Variants in GPBAR1 observed in about 807,000 individuals in gnomAD.
The protein encoded by GPBAR1 is G protein-coupled bile acid receptor 1, also known as G-protein coupled bile acid receptor 1.
Under a neutral mutation model 13.0 loss-of-function variants are expected in GPBAR1, and 13 were observed. The ratio of observed to expected loss-of-function variants is 1.00; its 90% CI spans 0.65 to 1.59. The LOEUF (loss-of-function observed/expected upper bound fraction) is 1.59, where lower values mean the gene tolerates loss of function less well. Ranked by LOEUF, GPBAR1 falls within the 40% of genes most tolerant of loss-of-function variation. The pLI, the probability that GPBAR1 is intolerant of heterozygous loss-of-function variation, is 0.00. For synonymous variants in GPBAR1, 193 were observed against 205.2 expected, an observed-to-expected ratio of 0.94 and a Z score of 0.51; for missense variants, 398 against 436.4, an observed-to-expected ratio of 0.91 and a Z score of 0.78.
chr2:218,263,312 G>A lies in GPBAR1; in HGVS notation c.588G>A (p.Leu196=), dbSNP rs914431891. 1 of 1,605,338 alleles carries A rather than the reference G, an allele frequency of 6.2e-7. No individual in the cohort carries two copies. Among genetic ancestry groups the A allele is most frequent in the Non-Finnish European group, 8.5e-7 (1 of 1,178,414 alleles). Residue 196 remains leucine (L), a synonymous_variant, in exon 2 of 2, where the codon CTG becomes CTA. Transcript: ENST00000519574. The surrounding 1 kb of genome is among the most constrained non-coding windows in gnomAD (Gnocchi z 4.2). ...VRVLATAHRQ[L]QDICRLERAV... ...TGCTGGCCACTGCCCACCGCCAGCTGCAGGACATCTGCCGGCTGGAGCGGG... is the reference window on the plus strand; with the variant it reads ...TGCTGGCCACTGCCCACCGCCAGCTACAGGACATCTGCCGGCTGGAGCGGG...
upstream of GPBAR1, among the ~76,000 whole-genome samples, chr2:218,260,743 G>A (rs1000601545): frequency 1.3e-5 from 2 of 152,208 alleles, no homozygotes; most frequent in African/African-American, 4.8e-5. Context: ...CAGCTGGCTG[G>A]CCAGTCCAGG....
Position 218,263,662 on chromosome 2 carries a change from C to T in GPBAR1, c.938C>T (p.Pro313Leu), listed in dbSNP as rs753787452. 1 of 1,612,944 alleles carries T rather than the reference C, an allele frequency of 6.2e-7. No individual in the cohort carries two copies. Among genetic ancestry groups the T allele is most frequent in the Non-Finnish European group, 8.5e-7 (1 of 1,179,872 alleles). Residue 313 changes from proline (P) to leucine (L), a missense_variant, in exon 2 of 2, where the codon CCC (proline) becomes CTC (leucine). Coordinates refer to ENST00000519574, the MANE Select transcript of GPBAR1 (RefSeq NM_170699.3). The surrounding 1 kb of genome is among the most constrained non-coding windows in gnomAD (Gnocchi z 4.2). ...WGRASRDSPG[P>L]SIAYHPSSQS... is the part of the protein sequence containing the mutation. The stretch of plus-strand genomic sequence containing the variant: ...AGAGCCTCCCGGGACAGTCCCGGCC[C>T]CAGCATTGCCTACCACCCAAGCAGC...
Position 218,263,544 on chromosome 2 carries a change from G to A in GPBAR1, c.820G>A (p.Ala274Thr), listed in dbSNP as rs1236983477. ...SLLSLGSASA[A>T]AVPVAMGLGD... ...CCTCTCCCTAGGAAGTGCCAGTGCA[G>A]CGGCAGTGCCCGTAGCCATGGGGCT... The change falls in exon 2 of 2, where the codon GCG becomes ACG. Residue 274 changes from alanine (A) to threonine (T), a missense_variant. Coordinates refer to ENST00000519574, the MANE Select transcript of GPBAR1 (RefSeq NM_170699.3). The surrounding 1 kb of genome is among the most constrained non-coding windows in gnomAD (Gnocchi z 4.2). 2 of 1,612,208 alleles carry A rather than the reference G, an allele frequency of 1.2e-6. No individual in the cohort carries two copies. The highest frequency in any genetic ancestry group is 1.7e-6 in the Non-Finnish European group (2 of 1,179,636).
At position 218,263,413 on chromosome 2, in the gene GPBAR1, T is replaced by C; in HGVS notation, c.689T>C (p.Met230Thr). 7 of 1,602,614 alleles carry C rather than the reference T, an allele frequency of 4.4e-6. No homozygotes were observed. Among genetic ancestry groups the C allele is most frequent in the East Asian group, 4.5e-5 (2 of 44,382 alleles). The change falls in exon 2 of 2, where the codon ATG becomes ACG. Residue 230 changes from methionine (M) to threonine (T), a missense_variant. Physicochemically the swap from Met to Thr is moderately conservative, Grantham distance 81 (BLOSUM62 -1). Coordinates refer to ENST00000519574, the MANE Select transcript of GPBAR1 (RefSeq NM_170699.3). This position sits in a 1 kb window ranked among gnomAD's most constrained non-coding sequence, Gnocchi z 4.2. Reference sequence around the variant, plus strand: ...CAGGCAAGGGCACAGGCTGGAGCCATGCTGCTCTTCGGGCTGTGCTGGGGG... The same window carrying C: ...CAGGCAAGGGCACAGGCTGGAGCCACGCTGCTCTTCGGGCTGTGCTGGGGG... ...WRQARAQAGA[M>T]LLFGLCWGPY...
In GPBAR1 at chr2:218,262,646, GC is replaced by G; in HGVS notation, c.-45-30del. 2.1e-6 allele frequency: 3 copies of G among 1,422,160 alleles called. 1 individual carries two copies. In the South Asian group the frequency reaches 4.3e-5, roughly 21 times the overall value. 88.1% of individuals were successfully genotyped at this position (1,422,160 alleles called of 1,614,324 possible). Reference sequence around the variant, plus strand: ...CCCTGCCAGGAGGACACGACCTGCAGCCCCATCCTAACTCTGGCCACCCCAT... The same window carrying G: ...CCCTGCCAGGAGGACACGACCTGCAGCCCATCCTAACTCTGGCCACCCCAT... On this transcript the variant is annotated intron_variant, in intron 1 of 1. Coordinates refer to ENST00000519574, the MANE Select transcript of GPBAR1 (RefSeq NM_170699.3). The surrounding 1 kb of genome is among the most constrained non-coding windows in gnomAD (Gnocchi z 5.1).
rs1690505558 is a variant in GPBAR1, at chr2:218,263,333, G to A, written c.609G>A (p.Glu203=). 1 of 1,603,168 alleles carries A rather than the reference G, an allele frequency of 6.2e-7. No individual in the cohort carries two copies. The highest frequency in any genetic ancestry group is 8.5e-7 in the Non-Finnish European group (1 of 1,177,296). ...AGCTGCAGGACATCTGCCGGCTGGA[G>A]CGGGCAGTGTGCCGCGATGAGCCCT... The part of the protein sequence containing the change: ...HRQLQDICRL[E]RAVCRDEPSA... Residue 203 remains glutamate (E), a synonymous_variant, in exon 2 of 2, where the codon GAG becomes GAA. Coordinates refer to ENST00000519574, the MANE Select transcript of GPBAR1 (RefSeq NM_170699.3). The surrounding 1 kb of genome is among the most constrained non-coding windows in gnomAD (Gnocchi z 4.2).
chr2:218,263,758 G>C lies in GPBAR1; in HGVS notation c.*41G>C. 1.9e-6 allele frequency: 3 copies of C among 1,612,240 alleles called. No homozygotes were observed. Among genetic ancestry groups the C allele is most frequent in the Non-Finnish European group, 2.5e-6 (3 of 1,179,306 alleles). ...TGACTCCTACCAGAGCATCCGTCCA[G>C]CTCAGCCATCCAGCCTGTCTCTACC... On this transcript the variant is annotated 3_prime_UTR_variant, in exon 2 of 2. Transcript: ENST00000519574. This position sits in a 1 kb window ranked among gnomAD's most constrained non-coding sequence, Gnocchi z 4.2.
chr2:218,260,384 G>A (rs1201545106), upstream of GPBAR1, among the ~76,000 whole-genome samples: 1 of 152,222 alleles, frequency 6.6e-6, no homozygotes, highest in African/African-American at 2.4e-5. Flanking sequence ...CAAGGGCCAT[G>A]CACTGGGGTA....
chr2:218,262,182 C>G lies in GPBAR1; in HGVS notation c.-45-498C>G, dbSNP rs192064257. The G allele has an allele frequency of 1.3e-4, 20 of 155,638 alleles. No homozygotes were observed. The highest frequency in any genetic ancestry group is 2.4e-4 in the Non-Finnish European group (17 of 70,210). 9.6% of individuals were successfully genotyped at this position (155,638 alleles called of 1,614,324 possible). A position where few individuals can be genotyped will look rare whatever the true frequency, so the allele number is the denominator to read the frequency against. On this transcript the variant is annotated intron_variant, in intron 1 of 1. Transcript: ENST00000519574. This position sits in a 1 kb window ranked among gnomAD's most constrained non-coding sequence, Gnocchi z 5.1. The stretch of plus-strand genomic sequence containing the variant: ...ACAAGGACAGATGGGGGGAAGGGTG[C>G]AGGGTGCCCGAGACCTGGCCCGCTG...
Position 218,262,689 on chromosome 2 carries a change from C to T in GPBAR1, c.-36C>T, listed in dbSNP as rs1478943878. The T allele has an allele frequency of 1.3e-6, 2 of 1,513,486 alleles. No individual in the cohort carries two copies. Among genetic ancestry groups the T allele is most frequent in the Non-Finnish European group, 1.8e-6 (2 of 1,133,764 alleles). 93.8% of individuals were successfully genotyped at this position (1,513,486 alleles called of 1,614,324 possible). Reference sequence around the variant, plus strand: ...CCACCCCATCCTGCAGGCATGCCGGCTGCCGCTCCAGGACTCCCCTGTCCC... The same window carrying T: ...CCACCCCATCCTGCAGGCATGCCGGTTGCCGCTCCAGGACTCCCCTGTCCC... On this transcript the variant is annotated 5_prime_UTR_variant, in exon 2 of 2. Coordinates refer to ENST00000519574, the MANE Select transcript of GPBAR1 (RefSeq NM_170699.3). The surrounding 1 kb of genome is among the most constrained non-coding windows in gnomAD (Gnocchi z 5.1).
At position 218,262,593 on chromosome 2, in the gene GPBAR1, G is replaced by A. The variant is rs893867970; in HGVS notation, c.-45-87G>A. 3.0e-4 allele frequency: 270 copies of A among 886,664 alleles called. No homozygotes were observed. Among genetic ancestry groups the A allele is most frequent in the Middle Eastern group, 1.0e-3 (3 of 2,874 alleles). The allele number at this position is 886,664 out of a possible 1,614,324, so 54.9% of individuals were successfully genotyped here. A position where few individuals can be genotyped will look rare whatever the true frequency, so the allele number is the denominator to read the frequency against. Reference sequence around the variant, plus strand: ...GAACATGATACAGCCCACAGCCTGCGGGTCTGCGCCCCTGGATTAACATGC... The same window carrying A: ...GAACATGATACAGCCCACAGCCTGCAGGTCTGCGCCCCTGGATTAACATGC... On this transcript the variant is annotated intron_variant, in intron 1 of 1. Transcript: ENST00000519574. This position sits in a 1 kb window ranked among gnomAD's most constrained non-coding sequence, Gnocchi z 5.1.
rs1374507058 is a variant in GPBAR1, at chr2:218,263,681, A to T, written c.957A>T (p.Pro319=). 1.2e-6 allele frequency: 2 copies of T among 1,612,770 alleles called. No homozygotes were observed. Among genetic ancestry groups the T allele is most frequent in the Admixed American group, 3.3e-5 (2 of 60,010 alleles). The stretch of plus-strand genomic sequence containing the variant: ...CCGGCCCCAGCATTGCCTACCACCC[A>T]AGCAGCCAAAGCAGTGTCGACCTGG... The part of the protein sequence containing the change: ...DSPGPSIAYH[P]SSQSSVDLDL... The change falls in exon 2 of 2, where the codon CCA becomes CCT. Residue 319 remains proline (P), a synonymous_variant. Coordinates refer to ENST00000519574, the MANE Select transcript of GPBAR1 (RefSeq NM_170699.3). This position sits in a 1 kb window ranked among gnomAD's most constrained non-coding sequence, Gnocchi z 4.2.
rs909595624 is a variant in GPBAR1 at position 218,262,511 on chromosome 2, A to G, written c.-45-169A>G. The G allele has an allele frequency of 8.6e-6, 5 of 578,942 alleles. No individual in the cohort carries two copies. The highest frequency in any genetic ancestry group is 3.2e-5 in the Admixed American group (1 of 31,702). 35.9% of individuals were successfully genotyped at this position (578,942 alleles called of 1,614,324 possible). ...CCTGAATTTTCAATAGAAACCAAAGATAGTTTTTTATATAAATGTTTAATT... is the reference window on the plus strand; with the variant it reads ...CCTGAATTTTCAATAGAAACCAAAGGTAGTTTTTTATATAAATGTTTAATT... On this transcript the variant is annotated intron_variant, in intron 1 of 1. Coordinates refer to ENST00000519574, the MANE Select transcript of GPBAR1 (RefSeq NM_170699.3). This position sits in a 1 kb window ranked among gnomAD's most constrained non-coding sequence, Gnocchi z 5.1.
Position 218,263,716 on chromosome 2 carries a change from AAAGG to A in GPBAR1, c.*4_*7del, listed in dbSNP as rs1386390139. On this transcript the variant is annotated stop_retained_variant and 3_prime_UTR_variant, in exon 2 of 2. Transcript: ENST00000519574. The surrounding 1 kb of genome is among the most constrained non-coding windows in gnomAD (Gnocchi z 4.2). ...AGCAGTGTCGACCTGGACTTGAACTAAAGGAAGGGCCTCTGCTGACTCCTACCAG... is the reference window on the plus strand; with the variant it reads ...AGCAGTGTCGACCTGGACTTGAACTAAAGGGCCTCTGCTGACTCCTACCAG... 3 of 1,612,764 alleles carry A rather than the reference AAAGG, an allele frequency of 1.9e-6. No individual in the cohort carries two copies. The African/African-American group carries it at 4.0e-5, about 22-fold the overall frequency.
intron 1 of GPBAR1, chr2:218,261,936 C>T (rs1451506416): frequency 6.5e-6 from 1 of 153,038 alleles, no homozygotes; most frequent in Non-Finnish European, 1.5e-5. Flanking sequence ...GCCCAGACTC[C>T]TCTTCCCTCT....
chr2:218,260,793 G>A (rs1019913626), upstream of GPBAR1, among the ~76,000 whole-genome samples: 12 of 152,320 alleles, frequency 7.9e-5, no homozygotes, highest in African/African-American at 2.9e-4. Context: ...GGGAAGTCGG[G>A]AGGGGTAAGT....
In GPBAR1 at chr2:218,262,640, C is replaced by A; in HGVS notation, c.-45-40C>A. ...ATGCTGCCCTGCCAGGAGGACACGA[C>A]CTGCAGCCCCATCCTAACTCTGGCC... On this transcript the variant is annotated intron_variant, in intron 1 of 1. Coordinates refer to ENST00000519574, the MANE Select transcript of GPBAR1 (RefSeq NM_170699.3). This position sits in a 1 kb window ranked among gnomAD's most constrained non-coding sequence, Gnocchi z 5.1. 7.2e-7 allele frequency: 1 copy of A among 1,398,068 alleles called. No homozygotes were observed. The highest frequency in any genetic ancestry group is 9.4e-7 in the Non-Finnish European group (1 of 1,060,114). The allele number at this position is 1,398,068 out of a possible 1,614,324, so 86.6% of individuals were successfully genotyped here.
Position 218,261,579 on chromosome 2 carries a change from G to T in GPBAR1, c.-46+363G>T, listed in dbSNP as rs778817458. ...GAAGAGATTGAGAAAGAGAAAACATGCTTAGGGGAGGGGAAAGGGGGCATA... is the reference window on the plus strand; with the variant it reads ...GAAGAGATTGAGAAAGAGAAAACATTCTTAGGGGAGGGGAAAGGGGGCATA... On this transcript the variant is annotated intron_variant, in intron 1 of 1. Transcript: ENST00000519574. Among the ~76,000 whole-genome samples the T allele has an allele frequency of 3.3e-5, 5 of 152,120 alleles. No individual in the cohort carries two copies. In the South Asian group the frequency reaches 1.0e-3, roughly 31 times the overall value.
rs767819043 is a variant in GPBAR1, at chr2:218,262,879, GCTT to G, written c.160_162del (p.Phe54del). Reference sequence around the variant, plus strand: ...CGCCTGCGCAGCCCACCTGCTGGCTGCTTCTTCCTGAGCCTACTGCTGGCTGGG... The same window carrying G: ...CGCCTGCGCAGCCCACCTGCTGGCTGCTTCCTGAGCCTACTGCTGGCTGGG... On this transcript the variant is annotated inframe_deletion, in exon 2 of 2. Transcript: ENST00000519574. The surrounding 1 kb of genome is among the most constrained non-coding windows in gnomAD (Gnocchi z 5.1). 2.1e-4 allele frequency: 340 copies of G among 1,613,522 alleles called. 2 individuals are homozygous for G. In the Admixed American group the frequency reaches 5.3e-3, roughly 25 times the overall value.
Sources: allele counts gnomAD v4.1 joint callset (sites outside exome capture counted in the v4.1 genomes callset), GRCh38; gene constraint gnomAD v4.1.1; non-coding constraint Gnocchi (gnomAD v3.1); transcripts MANE v1.5; gene names NCBI Gene and HGNC (gene_info 2026-07-23, HGNC 2026-07-21).